Variants in CPEB3 observed in about 807,000 individuals in gnomAD.
CPEB3 encodes cytoplasmic polyadenylation element-binding protein 3.
In CPEB3, 20 loss-of-function variants were observed where a neutral mutation model predicts 67.2. That is an observed-to-expected ratio of 0.30 (90% CI 0.21 to 0.43). CPEB3 has a LOEUF of 0.43. Among genes scored for constraint, CPEB3 ranks in the 20% least tolerant of loss-of-function variants. The pLI is 1.00. For missense variants in CPEB3, 746 were observed against 968.6 expected, an observed-to-expected ratio of 0.77 and a Z score of 3.05; for synonymous variants, 376 against 393.1, an observed-to-expected ratio of 0.96 and a Z score of 0.51.
At chr10:92,144,847 T>C (rs1846603260) in intron 5 of CPEB3, 98 bp downstream of exon 5, 3 of 1,058,934 alleles carry the variant, frequency 2.8e-6, no homozygotes, top group South Asian at 1.4e-5. Flanking sequence ...TGCACTAAGA[T>C]ATAGATGTCC....
At chr10:92,267,911 C>T (rs1171758173) in intron 1 of CPEB3, among the ~76,000 whole-genome samples, 5 of 152,136 alleles carry the variant, frequency 3.3e-5, no homozygotes, top group Middle Eastern at 6.4e-3. Context: ...CTCCGCCTCC[C>T]GGGTTCAAGC....
chr10:92,194,833 A>G (rs1564855008), intron 2 of CPEB3, among the ~76,000 whole-genome samples: 1 of 152,032 alleles, frequency 6.6e-6, no homozygotes, highest in Non-Finnish European at 1.5e-5. Context: ...CGAGGTCAGG[A>G]GATCGAGACC....
intron 9 of CPEB3, among the ~76,000 whole-genome samples, chr10:92,064,439 G>A (rs893912935): frequency 1.3e-5 from 2 of 152,136 alleles, no homozygotes; most frequent in Non-Finnish European, 2.9e-5. Context: ...TCACATTGTT[G>A]GGGTAAACTA....
intron 2 of CPEB3, among the ~76,000 whole-genome samples, chr10:92,212,404 C>A (rs987295277): frequency 4.6e-5 from 7 of 150,848 alleles, no homozygotes; most frequent in African/African-American, 1.7e-4. Flanking sequence ...GCACTCACCA[C>A]TGCCCAGCTA....
intron 2 of CPEB3, among the ~76,000 whole-genome samples, chr10:92,214,155 G>A (rs760127688): frequency 2.6e-5 from 4 of 152,098 alleles, no homozygotes; most frequent in Non-Finnish European, 5.9e-5. Flanking sequence ...TTAAGAGGTG[G>A]GGGGCCTTTT....
At chr10:92,213,804 G>C (rs1165550064) in intron 2 of CPEB3, among the ~76,000 whole-genome samples, 1 of 152,048 alleles carries the variant, frequency 6.6e-6, no homozygotes, top group Non-Finnish European at 1.5e-5. Flanking sequence ...TCCTAGTCTA[G>C]AGCTAATTAT....
chr10:92,207,424 G>A (rs1310068130), intron 2 of CPEB3, among the ~76,000 whole-genome samples: 1 of 152,138 alleles, frequency 6.6e-6, no homozygotes, highest in Non-Finnish European at 1.5e-5. Context: ...TGGTTTTAAG[G>A]CTCTGAATTG....
chr10:92,242,585 A>G (rs1851898395), intron 1 of CPEB3, among the ~76,000 whole-genome samples: 1 of 152,198 alleles, frequency 6.6e-6, no homozygotes, highest in Admixed American at 6.5e-5. Context: ...TCATGGCTGA[A>G]ATAGGCATTT....
At chr10:92,148,549 TTGAG>T (rs1453110219) in intron 4 of CPEB3, among the ~76,000 whole-genome samples, 7 of 152,272 alleles carry the variant, frequency 4.6e-5, no homozygotes, top group Admixed American at 1.3e-4. Flanking sequence ...TGCGTTTTTA[TTGAG>T]TATCTCTTTC....
intron 1 of CPEB3, among the ~76,000 whole-genome samples, chr10:92,242,635 G>GT (rs754072436): frequency 1.3e-5 from 2 of 152,136 alleles, no homozygotes; most frequent in African/African-American, 4.8e-5. Flanking sequence ...CCGGTTGCTT[G>GT]TATCAATGCT....
intron 2 of CPEB3, among the ~76,000 whole-genome samples, chr10:92,206,298 C>T (rs1849788347): frequency 6.6e-6 from 1 of 152,048 alleles, no homozygotes; most frequent in Non-Finnish European, 1.5e-5. Context: ...GTCTCGAACT[C>T]CCAACCTCTG....
chr10:92,258,625 A>AACTAATATATATAT (rs1554936345), intron 1 of CPEB3, among the ~76,000 whole-genome samples: 2 of 32,892 alleles, frequency 6.1e-5, no homozygotes, highest in East Asian at 1.6e-3. Flanking sequence ...ATATTTTTTG[A>AACTAATATATATAT]ATATATATAT....
chr10:92,154,495 G>GCAT (rs1847111825), intron 4 of CPEB3, among the ~76,000 whole-genome samples: 4 of 152,142 alleles, frequency 2.6e-5, no homozygotes. Context: ...CAAGCCTTGA[G>GCAT]CTGATGTTCA....
chr10:92,240,097 T>C lies in CPEB3; in HGVS notation c.254A>G (p.Gln85Arg). Residue 85 changes from glutamine (Q) to arginine (R), a missense_variant, in exon 2 of 10, where the codon CAG becomes CGG. Gln to Arg is a conservative substitution (Grantham distance 43, BLOSUM62 1). Coordinates refer to ENST00000265997, the MANE Select transcript of CPEB3 (RefSeq NM_014912.5). ...SPLLPGLSFHQPPQQPPPPQE... is the reference protein window; with the variant it reads ...SPLLPGLSFHRPPQQPPPPQE... Reference sequence around the variant, plus strand: ...AGGCGGCGGCGGCTGCTGAGGAGGCTGATGGAAACTCAAGCCTGGCAGGAG... The same window carrying C: ...AGGCGGCGGCGGCTGCTGAGGAGGCCGATGGAAACTCAAGCCTGGCAGGAG... 6.3e-7 allele frequency: 1 copy of C among 1,579,346 alleles called. No homozygotes were observed. Among genetic ancestry groups the C allele is most frequent in the Non-Finnish European group, 8.6e-7 (1 of 1,162,282 alleles).
intron 6 of CPEB3, among the ~76,000 whole-genome samples, chr10:92,134,183 A>T (rs1845979139): frequency 6.6e-6 from 1 of 152,194 alleles, no homozygotes; most frequent in African/African-American, 2.4e-5. Flanking sequence ...CAGGCAAGAG[A>T]AAGAAATAAA....
intron 4 of CPEB3, among the ~76,000 whole-genome samples, chr10:92,166,828 T>A (rs1348399066): frequency 6.6e-6 from 1 of 152,226 alleles, no homozygotes; most frequent in Non-Finnish European, 1.5e-5. Flanking sequence ...TGACTTCTCC[T>A]CTCTCGTTAT....
chr10:92,139,215 T>G (rs1846265087), intron 6 of CPEB3, among the ~76,000 whole-genome samples: 1 of 150,640 alleles, frequency 6.6e-6, no homozygotes, highest in South Asian at 2.1e-4. Context: ...AGGTGGAGGT[T>G]GAAGTGAGCC....
chr10:92,249,161 G>A (rs1303199550), intron 1 of CPEB3, among the ~76,000 whole-genome samples: 2 of 151,798 alleles, frequency 1.3e-5, no homozygotes, highest in African/African-American at 2.4e-5. Flanking sequence ...GGCGGATCAC[G>A]AGGTCAGGAG....
intron 1 of CPEB3, among the ~76,000 whole-genome samples, chr10:92,258,583 C>T (rs958588383): frequency 1.5e-5 from 2 of 133,970 alleles, no homozygotes; most frequent in South Asian, 4.8e-4. Flanking sequence ...GATGAGTAGC[C>T]TTCATCTATG....
Sources: gnomAD v4.1 joint callset for allele counts (sites outside exome capture counted in the v4.1 genomes callset) on GRCh38, gnomAD v4.1.1 for gene constraint, MANE v1.5 for transcripts, NCBI Gene and HGNC (gene_info 2026-07-23, HGNC 2026-07-21) for gene names.